The following FGFR1 variants were observed in gnomAD, a reference collection of about 807,000 sequenced individuals.
FGFR1 encodes the protein fibroblast growth factor receptor 1.
A neutral mutation model predicts 93.7 loss-of-function variants in FGFR1; 18 were observed. That is an observed-to-expected ratio of 0.19 (90% CI 0.13 to 0.28). The LOEUF (loss-of-function observed/expected upper bound fraction) is 0.28, where lower values mean the gene tolerates loss of function less well. Ranked by LOEUF, FGFR1 falls within the 10% of genes least tolerant of loss-of-function variation. The probability of loss-of-function intolerance (pLI) is 1.00; values close to 1 mark genes in which losing one functional copy is unlikely to be tolerated. For synonymous variants in FGFR1, 448 were observed against 429.3 expected (o/e 1.04, Z -0.54); for missense variants, 731 against 1,080.4 (o/e 0.68, Z 4.53).
Position 38,426,784 on chromosome 8 carries a change from T to C in FGFR1, c.622-539A>G, listed in dbSNP as rs1397079963. On this transcript the variant is annotated intron_variant, in intron 5 of 17. Coordinates refer to ENST00000447712, the MANE Select transcript of FGFR1 (RefSeq NM_023110.3). This position sits in a 1 kb window ranked among gnomAD's most constrained non-coding sequence, Gnocchi z 4.1. ...CTATCTTGCAGCATTTAAAGCATGG[T>C]GTCTTGCATGTAGTGAGTGCATGGT... 6.6e-6 allele frequency among the ~76,000 whole-genome samples: 1 copy of C among 152,170 alleles called. No homozygotes were observed. The highest frequency in any genetic ancestry group is 2.4e-5 in the African/African-American group (1 of 41,450).
chr8:38,447,150 CA>C (rs879543807), intron 2 of FGFR1, among the ~76,000 whole-genome samples: 444 of 137,966 alleles, frequency 3.2e-3, no homozygotes, highest in Non-Finnish European at 4.6e-3. Flanking sequence ...CACACACACA[CA>C]CCCCTGACAA....
At chr8:38,457,699 G>T (rs1833240729) in intron 1 of FGFR1, among the ~76,000 whole-genome samples, 165 bp from the exon 2 acceptor site, 1 of 152,174 alleles carries the variant, frequency 6.6e-6, no homozygotes, top group Non-Finnish European at 1.5e-5. Flanking sequence ...TTAGATCATA[G>T]GTCCTGGCTG....
At chr8:38,447,878 C>G (rs1829852413) in intron 2 of FGFR1, among the ~76,000 whole-genome samples, 1 of 152,124 alleles carries the variant, frequency 6.6e-6, no homozygotes, top group African/African-American at 2.4e-5. Flanking sequence ...AAACTTAAAA[C>G]AAATGGAACT....
chr8:38,452,342 A>G (rs996732953), intron 2 of FGFR1, among the ~76,000 whole-genome samples: 7 of 152,062 alleles, frequency 4.6e-5, no homozygotes, highest in Non-Finnish European at 1.5e-5. Context: ...CCCTTAATAC[A>G]TAGATTATAA....
chr8:38,458,994 G>A (rs935791761), intron 1 of FGFR1: 3 of 224,162 alleles, frequency 1.3e-5, no homozygotes, highest in Admixed American at 1.1e-4. Context: ...TCTATTGCAA[G>A]CACTGAGTCA....
At chr8:38,455,476 A>G (rs1234534219) in intron 2 of FGFR1, among the ~76,000 whole-genome samples, 1 of 152,066 alleles carries the variant, frequency 6.6e-6, no homozygotes, top group Non-Finnish European at 1.5e-5. Context: ...TATTTTTAAT[A>G]GAGATGGGGT....
rs2150868794 is a variant in FGFR1, at chr8:38,426,286, G to A, written c.622-41C>T. On this transcript the variant is annotated intron_variant, in intron 5 of 17. Transcript: ENST00000447712. The surrounding 1 kb of genome is among the most constrained non-coding windows in gnomAD (Gnocchi z 4.1). ...AAAGGGATACATTGAGGGTCCAGAG[G>A]AAAATGCAGGCCCCATGACAATGTC... The A allele has an allele frequency of 6.2e-7, 1 of 1,612,844 alleles. No homozygotes were observed. The highest frequency in any genetic ancestry group is 8.5e-7 in the Non-Finnish European group (1 of 1,179,816).
At chr8:38,456,742 CT>C (rs146564637) in intron 2 of FGFR1, among the ~76,000 whole-genome samples, 11 of 151,278 alleles carry the variant, frequency 7.3e-5, no homozygotes, top group African/African-American at 2.7e-4. Flanking sequence ...AGTTAATTTC[CT>C]TTTTTTTTGT....
chr8:38,466,755 G>C (rs886990841), intron 1 of FGFR1: 46 of 213,306 alleles, frequency 2.2e-4, no homozygotes, highest in Middle Eastern at 1.5e-3. Context: ...TACCCGTGTG[G>C]GGTGAAACGG....
intron 2 of FGFR1, among the ~76,000 whole-genome samples, chr8:38,440,575 CTTTT>C (rs557897454): frequency 2.2e-5 from 3 of 137,952 alleles, no homozygotes; most frequent in Non-Finnish European, 3.2e-5. Flanking sequence ...TGGAGAAGGG[CTTTT>C]TTTTTTTTTT....
At chr8:38,435,176 GCTT>G (rs1427956998) in intron 2 of FGFR1, 1 of 152,138 alleles carries the variant, frequency 6.6e-6, no homozygotes, top group Non-Finnish European at 1.5e-5. Flanking sequence ...GGCCTGTATT[GCTT>G]CTTAATTGTC....
At chr8:38,441,196 TGTC>T (rs1197829447) in intron 2 of FGFR1, among the ~76,000 whole-genome samples, 3 of 151,764 alleles carry the variant, frequency 2.0e-5, no homozygotes, top group African/African-American at 7.3e-5. Flanking sequence ...GGACTCTGGG[TGTC>T]GTAAAGGATA....
chr8:38,414,389 G>A (rs1815538773), intron 15 of FGFR1, 100 bp from the exon 16 acceptor site: 1 of 1,583,082 alleles, frequency 6.3e-7, no homozygotes, highest in Non-Finnish European at 8.6e-7. Flanking sequence ...ACAGCATGGA[G>A]AACAGATCAG....
Position 38,456,293 on chromosome 8 carries a change from G to A in FGFR1, c.91+1063C>T, listed in dbSNP as rs540698909. Among the ~76,000 whole-genome samples the A allele has an allele frequency of 1.2e-3, 183 of 152,196 alleles. 1 individual carries two copies. The highest frequency in any genetic ancestry group is 3.9e-3 in the African/African-American group (163 of 41,498). ...CTCATACATTAGTTTTCAAAGTCCC[G>A]CGAAAGCCACCGGTATTCTGTACCT... is the stretch of plus-strand genomic sequence containing the variant. On this transcript the variant is annotated intron_variant, in intron 2 of 17. Coordinates refer to ENST00000447712, the MANE Select transcript of FGFR1 (RefSeq NM_023110.3).
chr8:38,438,526 G>C (rs1274783510), intron 2 of FGFR1, among the ~76,000 whole-genome samples: 1 of 144,850 alleles, frequency 6.9e-6, no homozygotes, highest in African/African-American at 2.6e-5. Context: ...CTGGGTGACA[G>C]ACCCAGACTC....
At position 38,424,659 on chromosome 8, in the gene FGFR1, G is replaced by A. The variant is rs769599671; in HGVS notation, c.786C>T (p.Pro262=). The A allele has an allele frequency of 1.1e-5, 17 of 1,612,214 alleles. No individual in the cohort carries two copies. Among genetic ancestry groups the A allele is most frequent in the African/African-American group, 1.3e-5 (1 of 74,896 alleles). ...TACCCAGGGCCACTGTTTTGTTGGCGGGCAACCCTGCTTGCAGGATGGGCC... is the reference window on the plus strand; with the variant it reads ...TACCCAGGGCCACTGTTTTGTTGGCAGGCAACCCTGCTTGCAGGATGGGCC... ...PHRPILQAGL[P]ANKTVALGSN... The change falls in exon 7 of 18, where the codon CCC becomes CCT. Residue 262 remains proline (P), a synonymous_variant. Coordinates refer to ENST00000447712, the MANE Select transcript of FGFR1 (RefSeq NM_023110.3). This position sits in a 1 kb window ranked among gnomAD's most constrained non-coding sequence, Gnocchi z 4.3.
In FGFR1 at chr8:38,429,587, C is replaced by T. The variant is rs1205584377; in HGVS notation, c.358+95G>A. On this transcript the variant is annotated intron_variant, in intron 3 of 17. Transcript: ENST00000447712. This position sits in a 1 kb window ranked among gnomAD's most constrained non-coding sequence, Gnocchi z 4.4. Reference sequence around the variant, plus strand: ...TCTGAAGCAGAGTGGGGGCAGATCACGGAGGGGGAGGAGGTTCACCTTCCT... The same window carrying T: ...TCTGAAGCAGAGTGGGGGCAGATCATGGAGGGGGAGGAGGTTCACCTTCCT... 36 of 1,334,368 alleles carry T rather than the reference C, an allele frequency of 2.7e-5. No individual in the cohort carries two copies. Among genetic ancestry groups the T allele is most frequent in the Non-Finnish European group, 3.2e-5 (31 of 966,318 alleles). 82.7% of individuals were successfully genotyped at this position (1,334,368 alleles called of 1,614,324 possible).
Position 38,416,056 on chromosome 8 carries a change from G to C in FGFR1, c.1668C>G (p.Pro556=), listed in dbSNP as rs1213090295. The C allele has an allele frequency of 2.5e-6, 4 of 1,610,606 alleles. No homozygotes were observed. The highest frequency in any genetic ancestry group is 3.4e-6 in the Non-Finnish European group (4 of 1,179,340). The stretch of plus-strand genomic sequence containing the variant: ...AGGCATACTCCACGATGACATACAA[G>C]GGACCTGCAGGCACAGGAGAAGAGG... ...NLLGACTQDG[P]LYVIVEYASK... Residue 556 remains proline (P), a synonymous_variant, in exon 13 of 18, where the codon CCC becomes CCG. Coordinates refer to ENST00000447712, the MANE Select transcript of FGFR1 (RefSeq NM_023110.3).
Position 38,468,565 on chromosome 8 carries a change from G to T in FGFR1, c.-673C>A. 4.4e-6 allele frequency: 1 copy of T among 229,006 alleles called. No homozygotes were observed. The allele number at this position is 229,006 out of a possible 1,614,324, so 14.2% of individuals were successfully genotyped here. On this transcript the variant is annotated 5_prime_UTR_variant, in exon 1 of 18. Coordinates refer to ENST00000447712, the MANE Select transcript of FGFR1 (RefSeq NM_023110.3). The stretch of plus-strand genomic sequence containing the variant: ...GCGCTGCGGCTGCACCGGCGTCCCG[G>T]CTCCCGCTAGCTGCCGCCCGCCGCC...
Sources: gnomAD v4.1 joint callset for allele counts (sites outside exome capture counted in the v4.1 genomes callset) on GRCh38, gnomAD v4.1.1 for gene constraint, Gnocchi (gnomAD v3.1) non-coding constraint, MANE v1.5 for transcripts, NCBI Gene and HGNC (gene_info 2026-07-23, HGNC 2026-07-21) for gene names.